The following RNF17 variants were observed in gnomAD, a reference collection of about 807,000 sequenced individuals.
The protein encoded by RNF17 is ring finger protein 17, also known as spermatogenesis associated 23.
A neutral mutation model predicts 200.5 loss-of-function variants in RNF17; 31 were observed. The ratio of observed to expected loss-of-function variants is 0.15; its 90% CI spans 0.12 to 0.21. The LOEUF (loss-of-function observed/expected upper bound fraction) is 0.21, where lower values mean the gene tolerates loss of function less well. Among genes scored for constraint, RNF17 ranks in the 10% least tolerant of loss-of-function variants. RNF17 has a pLI of 1.00. For synonymous variants in RNF17, 606 were observed against 637.8 expected, an observed-to-expected ratio of 0.95 and a Z score of 0.75; for missense variants, 1,628 against 1,905.1, an observed-to-expected ratio of 0.85 and a Z score of 2.71.
At chr13:24,755,992 T>C in the RNF17 span, among the ~76,000 whole-genome samples, 4 of 152,216 alleles carry the variant, frequency 2.6e-5, no homozygotes, top group African/African-American at 7.2e-5. Flanking sequence ...TGCTATTACT[T>C]ACAAGTAACA....
At position 24,824,404 on chromosome 13, in the gene RNF17, A is replaced by G. The variant is rs74042519; in HGVS notation, c.2092-1215A>G. 908 of 409,492 alleles carry G rather than the reference A, an allele frequency of 2.2e-3. 9 individuals carry two copies. The highest frequency in any genetic ancestry group is 0.017 in the African/African-American group (829 of 49,124). 25.4% of individuals were successfully genotyped at this position (409,492 alleles called of 1,614,324 possible). A position where few individuals can be genotyped will look rare whatever the true frequency, so the allele number is the denominator to read the frequency against. ...GTTAAAAGTAGTTTTAAAGTAATTT[A>G]AATGAAATAACAAGATAAGGATTCA... is the stretch of plus-strand genomic sequence containing the variant. On this transcript the variant is annotated intron_variant, in intron 15 of 35. Coordinates refer to ENST00000255324, the MANE Select transcript of RNF17 (RefSeq NM_031277.3).
intron 16 of RNF17, 125 bp downstream of exon 16, chr13:24,825,897 CTT>C: frequency 7.1e-7 from 1 of 1,403,350 alleles, no homozygotes; most frequent in African/African-American, 1.4e-5. Context: ...TGCCATCTGT[CTT>C]TAGAAAAGCT....
intron 3 of RNF17, among the ~76,000 whole-genome samples, chr13:24,777,135 T>C (rs1881684143): frequency 6.6e-6 from 1 of 152,230 alleles, no homozygotes; most frequent in Non-Finnish European, 1.5e-5. Flanking sequence ...CCTTGACTCA[T>C]TTACTGATTT....
In RNF17 at chr13:24,827,705, AAAAAAAAAAAAAC is replaced by A. The variant is rs1255531904; in HGVS notation, c.2245+1946_2245+1958del. On this transcript the variant is annotated intron_variant, in intron 16 of 35. Transcript: ENST00000255324. ...CGACAGAGCGAGACTCCGTCTCAAAAAAAAAAAAAAAACAAAAAAAAAAAAACAATAGAAATTT... is the reference window on the plus strand; with the variant it reads ...CGACAGAGCGAGACTCCGTCTCAAAAAAAAAAAAAAAAACAATAGAAATTT... 1.7e-4 allele frequency among the ~76,000 whole-genome samples: 19 copies of A among 111,302 alleles called. 1 individual carries two copies. The highest frequency in any genetic ancestry group is 8.7e-4 in the Admixed American group (10 of 11,534). The allele number at this position is 111,302 out of a possible 152,430, so 73.0% of individuals were successfully genotyped here. A position where few individuals can be genotyped will look rare whatever the true frequency, so the allele number is the denominator to read the frequency against.
Position 24,796,278 on chromosome 13 carries a change from C to T in RNF17, c.1382C>T (p.Ser461Leu). The T allele has an allele frequency of 1.3e-6, 2 of 1,597,844 alleles. No homozygotes were observed. The highest frequency in any genetic ancestry group is 1.7e-6 in the Non-Finnish European group (2 of 1,172,808). Residue 461 changes from serine to leucine, a missense_variant, in exon 11 of 36, where the codon TCA becomes TTA. Physicochemically the swap from Ser to Leu is moderately radical, Grantham distance 145. This residue lies in a region of RNF17 where 289 missense variants were observed against 384.9 expected (regional missense o/e 0.75). Coordinates refer to ENST00000255324, the MANE Select transcript of RNF17 (RefSeq NM_031277.3). ...AATAGGAGTTCACACCTTGATCCTT[C>T]AGACATTTTGGAACTAGGTAATGAA... ...FCNRSSHLDP[S>L]DILELGARIF...
intron 11 of RNF17, among the ~76,000 whole-genome samples, chr13:24,798,751 G>A (rs531052272): frequency 3.7e-4 from 46 of 122,930 alleles, no homozygotes; most frequent in Admixed American, 2.7e-3. Flanking sequence ...GCATTCACCT[G>A]TGGGCCTTTT....
chr13:24,753,139 G>T, the RNF17 span, among the ~76,000 whole-genome samples: 180 of 152,298 alleles, frequency 1.2e-3, 6 homozygotes, highest in East Asian at 0.029. Flanking sequence ...TAACTGAAAA[G>T]ATAATTACAA....
chr13:24,754,390 A>T, the RNF17 span, among the ~76,000 whole-genome samples: 1 of 152,116 alleles, frequency 6.6e-6, no homozygotes, highest in Admixed American at 6.5e-5. Flanking sequence ...GAACACCTTT[A>T]GAAAGGCAAG....
At chr13:24,781,787 C>A (rs185379128) in intron 5 of RNF17, 57 bp from the exon 6 acceptor site, 2 of 1,291,836 alleles carry the variant, frequency 1.5e-6, no homozygotes, top group South Asian at 2.6e-5. Context: ...AATTCTACAA[C>A]TTCTACAAAA....
At chr13:24,824,473 A>G (rs1566183645) in intron 15 of RNF17, 1 of 308,646 alleles carries the variant, frequency 3.2e-6, no homozygotes. Context: ...AAAAAAATTC[A>G]TTTTTTCCAT....
chr13:24,787,736 A>G (rs780295131), intron 6 of RNF17, among the ~76,000 whole-genome samples: 10 of 152,158 alleles, frequency 6.6e-5, no homozygotes, highest in Admixed American at 4.6e-4. Context: ...GCTTTTCTCT[A>G]ATTATGTATA....
chr13:24,791,715 C>T (rs1164688319), intron 9 of RNF17, among the ~76,000 whole-genome samples: 1 of 152,190 alleles, frequency 6.6e-6, no homozygotes, highest in East Asian at 1.9e-4. Context: ...CACAGTATTA[C>T]CATTTCAGAA....
intron 15 of RNF17, among the ~76,000 whole-genome samples, chr13:24,822,742 T>C (rs999019195): frequency 6.6e-6 from 1 of 152,176 alleles, no homozygotes; most frequent in East Asian, 1.9e-4. Flanking sequence ...TTTTAACTCC[T>C]GTGTCAATAT....
chr13:24,888,017 C>T, the RNF17 span, among the ~76,000 whole-genome samples: 4 of 152,180 alleles, frequency 2.6e-5, no homozygotes, highest in African/African-American at 7.2e-5. Context: ...TATGTCTTTA[C>T]GTAGGTGGTG....
At chr13:24,881,482 TA>T (rs1434692229), downstream of RNF17, among the ~76,000 whole-genome samples, 1 of 152,044 alleles carries the variant, frequency 6.6e-6, no homozygotes, top group Non-Finnish European at 1.5e-5. Flanking sequence ...TTGTCTCATT[TA>T]AAAATCCTTA....
chr13:24,865,032 T>C (rs1219741736), intron 29 of RNF17, 34 bp downstream of exon 29: 2 of 1,472,582 alleles, frequency 1.4e-6, no homozygotes, highest in Non-Finnish European at 1.8e-6. Flanking sequence ...AAATCTAAAG[T>C]GTAGAAAAGT....
At chr13:24,816,210 CAT>C (rs1887392615) in intron 15 of RNF17, among the ~76,000 whole-genome samples, 1 of 152,126 alleles carries the variant, frequency 6.6e-6, no homozygotes, top group Admixed American at 6.6e-5. Flanking sequence ...CATTGATTTT[CAT>C]ATGTCATTAT....
chr13:24,872,337 A>C (rs570869851), intron 32 of RNF17, among the ~76,000 whole-genome samples: 1 of 152,296 alleles, frequency 6.6e-6, no homozygotes, highest in East Asian at 1.9e-4. Flanking sequence ...TTTATTCATT[A>C]GTCAAGTATT....
chr13:24,769,398 C>G (rs112018276), intron 2 of RNF17, among the ~76,000 whole-genome samples: 1 of 152,122 alleles, frequency 6.6e-6, no homozygotes, highest in Admixed American at 6.5e-5. Context: ...TCCCATCCTC[C>G]GTTCCTATTC....
Sources: gnomAD v4.1 joint callset for allele counts (sites outside exome capture counted in the v4.1 genomes callset) on GRCh38, gnomAD v4.1.1 for gene constraint, gnomAD v4.1.1 regional missense constraint, MANE v1.5 for transcripts, NCBI Gene and HGNC (gene_info 2026-07-23, HGNC 2026-07-21) for gene names.